The following CDK14 variants were observed in gnomAD, a reference collection of about 807,000 sequenced individuals.
CDK14 encodes cyclin dependent kinase 14.
In CDK14, 34 loss-of-function variants were observed where a neutral mutation model predicts 60.7. The ratio of observed to expected loss-of-function variants is 0.56; its 90% CI spans 0.43 to 0.75. The LOEUF (loss-of-function observed/expected upper bound fraction) is 0.75. CDK14 is among the 30% of genes least tolerant of loss of function. CDK14 has a pLI of 0.00. For missense variants in CDK14, 482 were observed against 564.1 expected (o/e 0.85, Z 1.47); for synonymous variants, 197 against 203.7 (o/e 0.97, Z 0.28).
Position 91,051,151 on chromosome 7 carries a change from A to C in CDK14, c.1105+5191A>C, listed in dbSNP as rs191362531. Among the ~76,000 whole-genome samples the C allele has an allele frequency of 2.6e-5, 4 of 152,252 alleles. No homozygotes were observed. The East Asian group carries it at 7.7e-4, about 29-fold the overall frequency. Reference sequence around the variant, plus strand: ...ATACAAGGCTCTTTTTAACAACCAGATCTCTCACCTGAATTAATAGAGCAA... The same window carrying C: ...ATACAAGGCTCTTTTTAACAACCAGCTCTCTCACCTGAATTAATAGAGCAA... On this transcript the variant is annotated intron_variant, in intron 11 of 14. Transcript: ENST00000380050.
At position 90,840,841 on chromosome 7, in the gene CDK14, C is replaced by T. The variant is rs184392859; in HGVS notation, c.545-22334C>T. Reference sequence around the variant, plus strand: ...TATACCAAAGGGCTACAGCTGTTCTCCATTGAGAGGTTTAGCCAATATTGC... The same window carrying T: ...TATACCAAAGGGCTACAGCTGTTCTTCATTGAGAGGTTTAGCCAATATTGC... On this transcript the variant is annotated intron_variant, in intron 5 of 14. Coordinates refer to ENST00000380050, the MANE Select transcript of CDK14 (RefSeq NM_001287135.2). 9.9e-5 allele frequency among the ~76,000 whole-genome samples: 15 copies of T among 152,274 alleles called. No homozygotes were observed. The East Asian group carries it at 2.5e-3, about 25-fold the overall frequency.
chr7:90,678,842 T>A (rs1801256024), intron 2 of CDK14, among the ~76,000 whole-genome samples: 1 of 152,224 alleles, frequency 6.6e-6, no homozygotes, highest in Non-Finnish European at 1.5e-5. Flanking sequence ...CACATACTTC[T>A]GTATTTGAGA....
intron 8 of CDK14, among the ~76,000 whole-genome samples, chr7:90,935,686 T>C (rs770594523): frequency 2.0e-5 from 3 of 152,210 alleles, no homozygotes; most frequent in Admixed American, 6.5e-5. Context: ...AGATTTTCCA[T>C]GTATTTGCTT....
intron 3 of CDK14, among the ~76,000 whole-genome samples, chr7:90,731,185 A>G (rs1029747591): frequency 3.9e-5 from 6 of 152,088 alleles, no homozygotes; most frequent in African/African-American, 1.4e-4. Context: ...GTTATTTCTC[A>G]GGTCTCTGTT....
At chr7:90,922,803 T>C (rs1421392452) in intron 8 of CDK14, among the ~76,000 whole-genome samples, 2 of 152,208 alleles carry the variant, frequency 1.3e-5, no homozygotes, top group Admixed American at 6.5e-5. Flanking sequence ...CTCAAGCATA[T>C]TAAAATTATA....
intron 9 of CDK14, among the ~76,000 whole-genome samples, chr7:90,970,234 G>A (rs1794883488): frequency 6.6e-6 from 1 of 151,840 alleles, no homozygotes; most frequent in Non-Finnish European, 1.5e-5. Flanking sequence ...CCAAAGTGCC[G>A]GGATTAAAGG....
intron 10 of CDK14, among the ~76,000 whole-genome samples, chr7:91,027,897 TCTCCCCTCCCCTGCCCTCCCCTCCC>T (rs1429423496): frequency 4.5e-4 from 5 of 11,122 alleles, no homozygotes; most frequent in Non-Finnish European, 5.0e-4. Context: ...TCTCCTCTCC[TCTCCCCTCCCCTGCCCTCCCCTCCC>T]CTCCCCTCCG....
At chr7:91,174,968 T>C (rs905938155) in intron 14 of CDK14, among the ~76,000 whole-genome samples, 1 of 146,198 alleles carries the variant, frequency 6.8e-6, no homozygotes, top group Non-Finnish European at 1.5e-5. Flanking sequence ...GCCACAAAGA[T>C]ACTCCTTGAG....
At chr7:91,086,964 T>C (rs902926790) in intron 12 of CDK14, among the ~76,000 whole-genome samples, 7 of 152,206 alleles carry the variant, frequency 4.6e-5, no homozygotes, top group African/African-American at 1.7e-4. Context: ...TGCAGCTTTA[T>C]TGCCCAGGCT....
intron 10 of CDK14, among the ~76,000 whole-genome samples, chr7:91,034,095 C>T (rs934902911): frequency 6.6e-6 from 1 of 152,168 alleles, no homozygotes; most frequent in Admixed American, 6.5e-5. Context: ...TTAGCAGCCA[C>T]CTGCTTGTTG....
chr7:91,186,071 G>A (rs1003602387), intron 14 of CDK14, among the ~76,000 whole-genome samples: 1 of 151,328 alleles, frequency 6.6e-6, no homozygotes, highest in African/African-American at 2.4e-5. Flanking sequence ...CTTGTGGCAT[G>A]TGTCAGCACT....
chr7:90,861,212 G>GA (rs538446866), intron 5 of CDK14, among the ~76,000 whole-genome samples: 2 of 151,792 alleles, frequency 1.3e-5, no homozygotes, highest in East Asian at 1.9e-4. Context: ...ATCAATGGGG[G>GA]AAAAAAAAGA....
chr7:90,784,407 A>G (rs1584889617), intron 4 of CDK14, among the ~76,000 whole-genome samples: 2 of 152,352 alleles, frequency 1.3e-5, no homozygotes, highest in South Asian at 2.1e-4. Context: ...TAGCTGGAGG[A>G]GTGGATATGG....
chr7:90,827,773 G>A (rs1789776948), intron 5 of CDK14, among the ~76,000 whole-genome samples: 1 of 152,120 alleles, frequency 6.6e-6, no homozygotes, highest in African/African-American at 2.4e-5. Flanking sequence ...CTTTTAAAAT[G>A]CATTTATAAA....
chr7:90,753,712 A>G (rs1357600841), intron 4 of CDK14, among the ~76,000 whole-genome samples: 1 of 152,222 alleles, frequency 6.6e-6, no homozygotes, highest in South Asian at 2.1e-4. Flanking sequence ...TTTGCTGACA[A>G]TATGATTCTA....
At chr7:91,042,206 G>T (rs111496555) in intron 10 of CDK14, among the ~76,000 whole-genome samples, 1 of 152,118 alleles carries the variant, frequency 6.6e-6, no homozygotes, top group Non-Finnish European at 1.5e-5. Flanking sequence ...GCTGAGCATC[G>T]TGTTAATTTG....
intron 14 of CDK14, among the ~76,000 whole-genome samples, chr7:91,155,708 C>T (rs1584139570): frequency 6.6e-6 from 1 of 152,140 alleles, no homozygotes; most frequent in East Asian, 1.9e-4. Flanking sequence ...TAATAACTTG[C>T]AAAGTCTCCC....
chr7:90,686,415 A>T (rs766198500), intron 2 of CDK14, among the ~76,000 whole-genome samples: 1 of 152,186 alleles, frequency 6.6e-6, no homozygotes, highest in African/African-American at 2.4e-5. Context: ...TGACTTTTTG[A>T]TGAAAATGTC....
At chr7:91,036,885 G>A (rs1275207336) in intron 10 of CDK14, among the ~76,000 whole-genome samples, 2 of 152,152 alleles carry the variant, frequency 1.3e-5, no homozygotes, top group Non-Finnish European at 2.9e-5. Flanking sequence ...AATCTCAGAA[G>A]TGATATCTCA....
Sources: allele counts gnomAD v4.1 joint callset (sites outside exome capture counted in the v4.1 genomes callset), GRCh38; gene constraint gnomAD v4.1.1; transcripts MANE v1.5; gene names NCBI Gene and HGNC (gene_info 2026-07-23, HGNC 2026-07-21).